The following RPTOR variants were observed in gnomAD, a reference collection of about 807,000 sequenced individuals.
The protein encoded by RPTOR is regulatory-associated protein of mTOR.
In RPTOR, 21 loss-of-function variants were observed where a neutral mutation model predicts 169.9. The ratio of observed to expected loss-of-function variants is 0.12; its 90% CI spans 0.09 to 0.18. The LOEUF is 0.18. Ranked by LOEUF, RPTOR falls within the 10% of genes least tolerant of loss-of-function variation. The probability of loss-of-function intolerance (pLI) is 1.00; values close to 1 mark genes in which losing one functional copy is unlikely to be tolerated. For synonymous variants in RPTOR, 732 were observed against 753.2 expected (o/e 0.97, Z 0.46); for missense variants, 1,133 against 1,855.9 (o/e 0.61, Z 7.16).
rs1429887994 is a variant in RPTOR, at chr17:80,633,369, A to G, written c.265+7576A>G. Among the ~76,000 whole-genome samples the G allele has an allele frequency of 1.3e-5, 2 of 152,200 alleles. No individual in the cohort carries two copies. Among genetic ancestry groups the G allele is most frequent in the Non-Finnish European group, 2.9e-5 (2 of 68,036 alleles). On this transcript the variant is annotated intron_variant, in intron 2 of 33. Coordinates refer to ENST00000306801, the MANE Select transcript of RPTOR (RefSeq NM_020761.3). The surrounding 1 kb of genome is among the most constrained non-coding windows in gnomAD (Gnocchi z 4.1). ...CAGGAATGTCCTTTGTAGCGCCAGG[A>G]TCCTGCTCAGCCATGCGCCATCCTA...
At chr17:80,792,840 C>T (rs889863273) in intron 7 of RPTOR, among the ~76,000 whole-genome samples, 5 of 152,070 alleles carry the variant, frequency 3.3e-5, no homozygotes, top group Non-Finnish European at 7.4e-5. Context: ...CCTCTGTTTT[C>T]TGAGTTTTAG....
At chr17:80,902,079 T>G (rs552276492) in intron 20 of RPTOR, among the ~76,000 whole-genome samples, 4 of 152,280 alleles carry the variant, frequency 2.6e-5, no homozygotes, top group Non-Finnish European at 4.4e-5. Context: ...TGTTTCTCAC[T>G]CAGCCCTTCG....
At chr17:80,735,895 G>A (rs767545730) in intron 5 of RPTOR, among the ~76,000 whole-genome samples, 4 of 152,118 alleles carry the variant, frequency 2.6e-5, no homozygotes, top group African/African-American at 4.8e-5. Context: ...AGCCCTGGCC[G>A]GTGCGGTGGC....
chr17:80,675,006 G>T (rs774450552), intron 3 of RPTOR, among the ~76,000 whole-genome samples: 4 of 152,144 alleles, frequency 2.6e-5, no homozygotes, highest in Non-Finnish European at 4.4e-5. Flanking sequence ...GGCTTCAGAA[G>T]GGCAGGAGAC....
At chr17:80,808,696 C>T (rs2067243465) in intron 7 of RPTOR, among the ~76,000 whole-genome samples, 1 of 152,174 alleles carries the variant, frequency 6.6e-6, no homozygotes, top group Admixed American at 6.5e-5. Flanking sequence ...TCCCTCAAGC[C>T]CAGGCAACCA....
chr17:80,644,311 T>TG (rs1047683812), intron 3 of RPTOR, among the ~76,000 whole-genome samples: 10 of 150,338 alleles, frequency 6.7e-5, no homozygotes, highest in South Asian at 2.1e-4. Context: ...GTGTGGGTTT[T>TG]TTTTTTTTTT....
rs1166711662 is a variant in RPTOR at position 80,583,182 on chromosome 17, G to GTTTT, written c.162+37412_162+37415dup. 8.0e-3 allele frequency among the ~76,000 whole-genome samples: 635 copies of GTTTT among 79,234 alleles called. 81 individuals carry two copies. Among genetic ancestry groups the GTTTT allele is most frequent in the African/African-American group, 0.022 (437 of 19,516 alleles). The allele number at this position is 79,234 out of a possible 152,430, so 52.0% of individuals were successfully genotyped here. On this transcript the variant is annotated intron_variant, in intron 1 of 33. Transcript: ENST00000306801. ...GGTCCCTGTCCACTGCCTCTTTCCT[G>GTTTT]TTTTTTTTTTTTTTTTTTTTTTTTG... is the stretch of plus-strand genomic sequence containing the variant.
intron 3 of RPTOR, among the ~76,000 whole-genome samples, chr17:80,678,095 G>A (rs983267069): frequency 6.6e-6 from 1 of 152,234 alleles, no homozygotes; most frequent in African/African-American, 2.4e-5. Context: ...ATCGTAAAAA[G>A]AGGTAACACC....
chr17:80,689,709 C>T (rs565964619), intron 3 of RPTOR, among the ~76,000 whole-genome samples: 2 of 152,350 alleles, frequency 1.3e-5, no homozygotes, highest in Non-Finnish European at 2.9e-5. Context: ...CTTTCTGAGA[C>T]ATATCACTAT....
chr17:80,743,847 A>G (rs1305974624), intron 5 of RPTOR, among the ~76,000 whole-genome samples: 6 of 120,460 alleles, frequency 5.0e-5, no homozygotes, highest in African/African-American at 2.0e-4. Flanking sequence ...AGCCCTGGTT[A>G]CTAGCAGAGC....
chr17:80,887,259 C>T (rs1340331066), intron 17 of RPTOR, among the ~76,000 whole-genome samples: 1 of 143,972 alleles, frequency 6.9e-6, no homozygotes, highest in East Asian at 2.1e-4. Flanking sequence ...TGCGCTGGCT[C>T]TGAGGGGGTG....
At chr17:80,849,108 G>C (rs2067764833) in intron 11 of RPTOR, among the ~76,000 whole-genome samples, 1 of 152,152 alleles carries the variant, frequency 6.6e-6, no homozygotes, top group Non-Finnish European at 1.5e-5. Flanking sequence ...TACCCCCCGG[G>C]AGTGGCTTCT....
intron 1 of RPTOR, among the ~76,000 whole-genome samples, chr17:80,549,013 G>C (rs1462145783): frequency 6.6e-6 from 1 of 152,148 alleles, no homozygotes; most frequent in African/African-American, 2.4e-5. Context: ...TACCAAAGTT[G>C]ACTGACTGAT....
At chr17:80,587,987 T>G (rs1048746644) in intron 1 of RPTOR, among the ~76,000 whole-genome samples, 1 of 152,114 alleles carries the variant, frequency 6.6e-6, no homozygotes, top group African/African-American at 2.4e-5. Context: ...TGAGTTTCGT[T>G]TTTTTAGATT....
intron 3 of RPTOR, among the ~76,000 whole-genome samples, chr17:80,645,081 T>A (rs145541896): frequency 6.0e-4 from 91 of 152,332 alleles, no homozygotes; most frequent in African/African-American, 2.0e-3. Context: ...GCATGAGGAC[T>A]GGAGAGAGAT....
intron 1 of RPTOR, among the ~76,000 whole-genome samples, chr17:80,596,962 A>G (rs2065149090): frequency 6.6e-6 from 1 of 152,206 alleles, no homozygotes; most frequent in Non-Finnish European, 1.5e-5. Flanking sequence ...AGTGCTGGAC[A>G]GCCGATTCGT....
intron 9 of RPTOR, among the ~76,000 whole-genome samples, chr17:80,837,429 C>T (rs1057191421): frequency 6.6e-6 from 1 of 152,164 alleles, no homozygotes; most frequent in Admixed American, 6.5e-5. Context: ...GCCAGGACTC[C>T]TTTCCCTGAC....
intron 20 of RPTOR, among the ~76,000 whole-genome samples, chr17:80,904,928 C>G (rs2068521510): frequency 6.6e-6 from 1 of 151,948 alleles, no homozygotes. Context: ...TTTTTTTTTC[C>G]CCTGTTGAGT....
intron 5 of RPTOR, among the ~76,000 whole-genome samples, chr17:80,742,506 T>C (rs1306717773): frequency 6.6e-6 from 1 of 151,714 alleles, no homozygotes; most frequent in East Asian, 1.9e-4. Context: ...CACATACACA[T>C]GCACATAGAC....
Sources: allele counts gnomAD v4.1 joint callset (sites outside exome capture counted in the v4.1 genomes callset), GRCh38; gene constraint gnomAD v4.1.1; non-coding constraint Gnocchi (gnomAD v3.1); transcripts MANE v1.5; gene names NCBI Gene and HGNC (gene_info 2026-07-23, HGNC 2026-07-21).